STOM: variants seen among roughly 807,000 people sequenced by gnomAD.
STOM encodes the protein stomatin, also known as erythrocyte band 7 integral membrane protein.
In STOM, 25 loss-of-function variants were observed where a neutral mutation model predicts 30.6. The observed-to-expected ratio is 0.82, with a 90% CI of 0.60 to 1.14. The LOEUF (loss-of-function observed/expected upper bound fraction) is 1.14. STOM is among the 50% of genes most tolerant of loss of function. The pLI, the probability that STOM is intolerant of heterozygous loss-of-function variation, is 0.00. For missense variants in STOM, 292 were observed against 365.2 expected (o/e 0.80, Z 1.63); for synonymous variants, 118 against 130.8 (o/e 0.90, Z 0.67).
rs774689640 is a variant in STOM, at chr9:121,349,145, C to T, written c.500G>A (p.Arg167Lys). ...TKNLSQILSD[R>K]EEIAHNMQST... ...CTGCATGTTGTGTGCAATTTCTTCT[C>T]TGTCAGAGAGGATCTGAGAAAGATT... Residue 167 changes from arginine (R) to lysine (K), a missense_variant, in exon 5 of 7, where the codon AGA becomes AAA. Coordinates refer to ENST00000286713, the MANE Select transcript of STOM (RefSeq NM_004099.6). 6.2e-7 allele frequency: 1 copy of T among 1,614,164 alleles called. No homozygotes were observed. The highest frequency in any genetic ancestry group is 8.5e-7 in the Non-Finnish European group (1 of 1,180,010).
intron 1 of STOM, among the ~76,000 whole-genome samples, chr9:121,356,799 A>G (rs760508538): frequency 6.6e-6 from 1 of 152,186 alleles, no homozygotes; most frequent in Non-Finnish European, 1.5e-5. Flanking sequence ...CCTGATCAAC[A>G]TGATAAAACC....
At chr9:121,342,836 G>T (rs1376710526) in intron 6 of STOM, among the ~76,000 whole-genome samples, 1 of 152,176 alleles carries the variant, frequency 6.6e-6, no homozygotes, top group Admixed American at 6.5e-5. Context: ...TCTGTAAGGG[G>T]TTTCACAGGC....
At chr9:121,348,176 A>C (rs756848259) in intron 5 of STOM, 27 bp from the exon 6 acceptor site, 7 of 1,613,758 alleles carry the variant, frequency 4.3e-6, no homozygotes, top group Non-Finnish European at 5.9e-6. Context: ...AGGCAAGCTA[A>C]ATCTCCTCAG....
intron 6 of STOM, among the ~76,000 whole-genome samples, chr9:121,346,755 AT>A (rs2064293440): frequency 6.6e-6 from 1 of 152,202 alleles, no homozygotes; most frequent in Admixed American, 6.5e-5. Flanking sequence ...AAACCTAAAC[AT>A]TTTGGTTAAT....
intron 5 of STOM, 144 bp from the exon 6 acceptor site, chr9:121,348,293 C>T (rs1399725859): frequency 2.7e-5 from 32 of 1,169,252 alleles, no homozygotes; most frequent in Admixed American, 1.6e-4. Context: ...CGAATGGTGA[C>T]GCAGGGGCTG....
Position 121,370,213 on chromosome 9 carries a change from C to A in STOM, c.-26G>T, listed in dbSNP as rs984760371. The A allele has an allele frequency of 1.3e-6, 2 of 1,543,880 alleles. No individual in the cohort carries two copies. The highest frequency in any genetic ancestry group is 2.5e-5 in the East Asian group (1 of 40,812). ...GCTGCCCGAGACGCAGTCGCACTCC[C>A]CCGTCCTCGTTGCCAAACCCGGAGC... is the stretch of plus-strand genomic sequence containing the variant. On this transcript the variant is annotated 5_prime_UTR_variant, in exon 1 of 7. Transcript: ENST00000286713.
rs144486463 is a variant in STOM at position 121,348,051 on chromosome 9, A to C, written c.624T>G (p.Ala208=). Residue 208 remains alanine (A), a synonymous_variant, in exon 6 of 7, where the codon GCT becomes GCG. Transcript: ENST00000286713. ...KLPVQLQRAM[A]AEAEASREAR... is the part of the protein sequence containing the mutation. ...CCTCGCGGGACGCTTCTGCTTCTGC[A>C]GCCATAGCTCTCTGGAGCTGCACAG... 124 of 1,614,068 alleles carry C rather than the reference A, an allele frequency of 7.7e-5. No individual in the cohort carries two copies. The highest frequency in any genetic ancestry group is 1.0e-4 in the Non-Finnish European group (120 of 1,180,014).
At chr9:121,356,304 C>G (rs772687513) in intron 1 of STOM, 148 bp from the exon 2 acceptor site, 92 of 620,556 alleles carry the variant, frequency 1.5e-4, no homozygotes, top group Non-Finnish European at 2.2e-4. Flanking sequence ...TCATACAGCC[C>G]TGAAGTGTAA....
chr9:121,340,731 CA>C lies in STOM; in HGVS notation c.*470del, dbSNP rs1402926588. The C allele has an allele frequency of 1.0e-6, 1 of 986,170 alleles. No homozygotes were observed. Among genetic ancestry groups the C allele is most frequent in the African/African-American group, 1.8e-5 (1 of 54,858 alleles). The allele number at this position is 986,170 out of a possible 1,614,324, so 61.1% of individuals were successfully genotyped here. A position where few individuals can be genotyped will look rare whatever the true frequency, so the allele number is the denominator to read the frequency against. On this transcript the variant is annotated 3_prime_UTR_variant, in exon 7 of 7. Transcript: ENST00000286713. ...TGCTATTGCACTCCAGCCTGGGCAA[CA>C]AGAGTGAAACTCCATCTCAGAAAAA... is the stretch of plus-strand genomic sequence containing the variant.
At chr9:121,357,437 A>ATATATATATATATATATATTTATT (rs1318433915) in intron 1 of STOM, among the ~76,000 whole-genome samples, 8 of 91,022 alleles carry the variant, frequency 8.8e-5, no homozygotes, top group African/African-American at 2.3e-4. Context: ...ATATATATAT[A>ATATATATATATATATATATTTATT]TATTTATTTA....
chr9:121,365,640 T>A lies in STOM; in HGVS notation c.61+4487A>T, dbSNP rs1277834266. ...TAAAGTTCTCAGTTCTTCACTGTGA[T>A]TAACAGCTAAGCAGTGGCTAAAAGC... On this transcript the variant is annotated intron_variant, in intron 1 of 6. Coordinates refer to ENST00000286713, the MANE Select transcript of STOM (RefSeq NM_004099.6). Among the ~76,000 whole-genome samples the A allele has an allele frequency of 3.3e-5, 5 of 152,274 alleles. No homozygotes were observed. The East Asian group carries it at 9.6e-4, about 29-fold the overall frequency.
At chr9:121,358,463 A>AAAGGAAGG (rs560934797) in intron 1 of STOM, among the ~76,000 whole-genome samples, 56 of 152,000 alleles carry the variant, frequency 3.7e-4, no homozygotes, top group African/African-American at 1.1e-3. Context: ...GAAAGAAAGA[A>AAAGGAAGG]AAGGAAGGAA....
chr9:121,366,787 A>G lies in STOM; in HGVS notation c.61+3340T>C, dbSNP rs145516876. Among the ~76,000 whole-genome samples the G allele has an allele frequency of 3.6e-3, 550 of 151,936 alleles. 2 individuals are homozygous for G. Among genetic ancestry groups the G allele is most frequent in the African/African-American group, 0.012 (511 of 41,396 alleles). On this transcript the variant is annotated intron_variant, in intron 1 of 6. Coordinates refer to ENST00000286713, the MANE Select transcript of STOM (RefSeq NM_004099.6). ...TACAGTGAAGAAGGACACAATCTCT[A>G]TTTTCAAAAGTGTGGTCTAAAGGCC...
intron 4 of STOM, among the ~76,000 whole-genome samples, chr9:121,350,642 A>T (rs986083608): frequency 2.0e-5 from 3 of 152,204 alleles, no homozygotes; most frequent in African/African-American, 7.2e-5. Flanking sequence ...TTTTTAACCC[A>T]TTTGACCAAC....
chr9:121,350,034 A>G (rs1292289072), intron 4 of STOM, among the ~76,000 whole-genome samples: 1 of 152,246 alleles, frequency 6.6e-6, no homozygotes, highest in Non-Finnish European at 1.5e-5. Context: ...TGCGTTAAAT[A>G]CATTCAAGTG....
intron 1 of STOM, among the ~76,000 whole-genome samples, chr9:121,368,712 G>T (rs1023862438): frequency 6.6e-6 from 1 of 152,096 alleles, no homozygotes; most frequent in East Asian, 1.9e-4. Flanking sequence ...AGGCCGAGGC[G>T]TGTGGATCAC....
At chr9:121,360,650 C>T (rs2064442522) in intron 1 of STOM, among the ~76,000 whole-genome samples, 1 of 152,126 alleles carries the variant, frequency 6.6e-6, no homozygotes, top group African/African-American at 2.4e-5. Context: ...GATCAAAAGC[C>T]TCTTAAACAA....
At chr9:121,355,601 G>A (rs980332441) in intron 2 of STOM, among the ~76,000 whole-genome samples, 5 of 152,096 alleles carry the variant, frequency 3.3e-5, no homozygotes, top group East Asian at 3.8e-4. Flanking sequence ...TATTTATGAC[G>A]TGCCAGGCAT....
rs1269047832 is a variant in STOM at position 121,370,190 on chromosome 9, T to G, written c.-3A>C. Reference sequence around the variant, plus strand: ...CGTGTGTGCCGCTTCTCGGCCATGCTGCCCGAGACGCAGTCGCACTCCCCC... The same window carrying G: ...CGTGTGTGCCGCTTCTCGGCCATGCGGCCCGAGACGCAGTCGCACTCCCCC... On this transcript the variant is annotated 5_prime_UTR_variant, in exon 1 of 7. Transcript: ENST00000286713. 1 of 1,547,444 alleles carries G rather than the reference T, an allele frequency of 6.5e-7. No homozygotes were observed. Among genetic ancestry groups the G allele is most frequent in the South Asian group, 1.2e-5 (1 of 84,008 alleles).
Sources: gnomAD v4.1 joint callset for allele counts (sites outside exome capture counted in the v4.1 genomes callset) on GRCh38, gnomAD v4.1.1 for gene constraint, MANE v1.5 for transcripts, NCBI Gene and HGNC (gene_info 2026-07-23, HGNC 2026-07-21) for gene names.